The following DGKH variants were observed in gnomAD, a reference collection of about 807,000 sequenced individuals.
DGKH encodes diacylglycerol kinase eta, also known as DAG kinase eta.
DGKH carries 90 observed loss-of-function variants against 159.3 expected under a neutral mutation model. The ratio of observed to expected loss-of-function variants is 0.57; its 90% CI spans 0.48 to 0.67. The LOEUF is 0.67. Ranked by LOEUF, DGKH falls within the 30% of genes least tolerant of loss-of-function variation. The pLI, the probability that DGKH is intolerant of heterozygous loss-of-function variation, is 0.00. For synonymous variants in DGKH, 536 were observed against 553.8 expected (o/e 0.97, Z 0.45); for missense variants, 1,181 against 1,506.1 (o/e 0.78, Z 3.57).
At chr13:42,075,455 G>A (rs1053692025) in intron 1 of DGKH, among the ~76,000 whole-genome samples, 2 of 152,064 alleles carry the variant, frequency 1.3e-5, no homozygotes, top group African/African-American at 2.4e-5. Flanking sequence ...AGGACTTGGC[G>A]CAACTTCCAC....
chr13:42,159,086 T>G (rs1302517707), intron 5 of DGKH, among the ~76,000 whole-genome samples, 180 bp from the exon 6 acceptor site: 2 of 152,116 alleles, frequency 1.3e-5, no homozygotes, highest in Non-Finnish European at 2.9e-5. Context: ...TACATAGCCG[T>G]ATTTGTTTTC....
Position 42,198,583 on chromosome 13 carries a change from A to G in DGKH, c.2273A>G (p.Asp758Gly). Residue 758 changes from aspartate (D) to glycine (G), a missense_variant, in exon 18 of 30, where the codon GAT (aspartate) becomes GGT (glycine). Asp to Gly is a moderately conservative substitution (Grantham distance 94). Around this residue, in one of 5 missense-constraint regions of DGKH, gnomAD observed 335 missense variants for 495.2 expected, o/e 0.68. Transcript: ENST00000337343. ...PFGATPFIDP[D>G]LDSVDGYSEK... ...GGTGCCACGCCGTTTATTGACCCGG[A>G]TCTAGATTCCGTGTAAGAAAATGCT... 1 of 1,609,610 alleles carries G rather than the reference A, an allele frequency of 6.2e-7. No homozygotes were observed. The highest frequency in any genetic ancestry group is 8.5e-7 in the Non-Finnish European group (1 of 1,178,728).
intron 8 of DGKH, 89 bp downstream of exon 8, chr13:42,165,522 T>G (rs1251529282): frequency 3.0e-6 from 2 of 661,132 alleles, no homozygotes; most frequent in Non-Finnish European, 4.7e-6. Flanking sequence ...ACTATGATGG[T>G]AATTGACTAT....
At chr13:42,201,120 G>C (rs1957337776) in intron 20 of DGKH, among the ~76,000 whole-genome samples, 2 of 151,998 alleles carry the variant, frequency 1.3e-5, no homozygotes, top group African/African-American at 4.8e-5. Flanking sequence ...AGCCTTCCAA[G>C]TAGCTGGAAC....
chr13:42,163,209 T>C (rs1052620210), intron 7 of DGKH, among the ~76,000 whole-genome samples: 13 of 151,890 alleles, frequency 8.6e-5, no homozygotes, highest in African/African-American at 3.1e-4. Context: ...TTTTTATGGC[T>C]GCATAGTATT....
intron 3 of DGKH, among the ~76,000 whole-genome samples, chr13:42,146,344 G>A (rs1955731993): frequency 6.6e-6 from 1 of 152,126 alleles, no homozygotes; most frequent in South Asian, 2.1e-4. Context: ...CACTTTATAG[G>A]ACAGAGTGTA....
At chr13:42,047,016 A>G (rs1880835986), upstream of DGKH, among the ~76,000 whole-genome samples, 2 of 152,358 alleles carry the variant, frequency 1.3e-5, no homozygotes, top group African/African-American at 4.8e-5. Context: ...TCTTTTAAGA[A>G]TTTCCAGAAA....
chr13:42,178,940 A>G (rs1594153371), intron 13 of DGKH, among the ~76,000 whole-genome samples: 3 of 152,330 alleles, frequency 2.0e-5, no homozygotes, highest in African/African-American at 7.2e-5. Context: ...GGGAAGAAAG[A>G]AAGAAAAGGA....
chr13:42,218,036 AATCATC>A (rs374568018), intron 26 of DGKH, among the ~76,000 whole-genome samples: 5 of 151,838 alleles, frequency 3.3e-5, no homozygotes, highest in African/African-American at 9.7e-5. Flanking sequence ...CTCTGTCTCA[AATCATC>A]ATCATCATCA....
intron 1 of DGKH, among the ~76,000 whole-genome samples, chr13:42,092,523 CAT>C (rs1272699600): frequency 1.3e-5 from 2 of 152,168 alleles, no homozygotes; most frequent in East Asian, 1.9e-4. Context: ...TGTTTTCACT[CAT>C]GTGAGAGCTT....
At chr13:42,074,678 CCATCCATCCATG>C (rs1319027755) in intron 1 of DGKH, among the ~76,000 whole-genome samples, 1 of 151,480 alleles carries the variant, frequency 6.6e-6, no homozygotes, top group African/African-American at 2.4e-5. Context: ...ATCCATCCAT[CCATCCATCCATG>C]CATCCACTCA....
At chr13:42,043,119 G>A (rs1880610423) in intron 1 of DGKH, among the ~76,000 whole-genome samples, 1 of 152,118 alleles carries the variant, frequency 6.6e-6, no homozygotes, top group Non-Finnish European at 1.5e-5. Flanking sequence ...TCTGATCAAA[G>A]CTATGGACCC....
At chr13:42,253,993 C>CG (rs767381805) in intron 30 of DGKH, among the ~76,000 whole-genome samples, 8 of 105,048 alleles carry the variant, frequency 7.6e-5, no homozygotes, top group African/African-American at 2.6e-4. Flanking sequence ...AGTGGGTTAC[C>CG]AAAAAAAAAA....
At chr13:42,112,624 G>A (rs1166286827) in intron 1 of DGKH, among the ~76,000 whole-genome samples, 1 of 152,224 alleles carries the variant, frequency 6.6e-6, no homozygotes, top group East Asian at 1.9e-4. Context: ...ACTACTCCTG[G>A]TGGCAGTTTA....
At chr13:42,040,740 C>T (rs1566069823) in intron 1 of DGKH, among the ~76,000 whole-genome samples, 1 of 148,814 alleles carries the variant, frequency 6.7e-6, no homozygotes, top group Non-Finnish European at 1.5e-5. Flanking sequence ...CGGTGGCTGG[C>T]CCCGGGCGGG....
chr13:42,121,892 A>G (rs996584206), intron 1 of DGKH, among the ~76,000 whole-genome samples: 1 of 152,198 alleles, frequency 6.6e-6, no homozygotes, highest in African/African-American at 2.4e-5. Flanking sequence ...TGAAGAGTAC[A>G]CCTCACCTCC....
chr13:42,196,718 C>A (rs1056382062), intron 17 of DGKH, among the ~76,000 whole-genome samples: 1 of 152,048 alleles, frequency 6.6e-6, no homozygotes, highest in Admixed American at 6.5e-5. Flanking sequence ...GGTTGCACAA[C>A]TTTGTGTATA....
At chr13:42,129,436 C>T in intron 2 of DGKH, 116 bp from the exon 3 acceptor site, 1 of 781,398 alleles carries the variant, frequency 1.3e-6, no homozygotes, top group Non-Finnish European at 2.0e-6. Flanking sequence ...AAAGTACCAC[C>T]AACTTAACTT....
chr13:42,218,370 C>G lies in DGKH; in HGVS notation c.3214-860C>G, dbSNP rs528052812. Among the ~76,000 whole-genome samples, 9 of 152,194 alleles carry G rather than the reference C, an allele frequency of 5.9e-5. No homozygotes were observed. The South Asian group carries it at 1.9e-3, about 32-fold the overall frequency. On this transcript the variant is annotated intron_variant, in intron 26 of 29. Coordinates refer to ENST00000337343, the MANE Select transcript of DGKH (RefSeq NM_178009.5). ...TAATTTTTACAACAGTTTTTCATCACAGATTTTTCTAAGATTCATGATTTT... is the reference window on the plus strand; with the variant it reads ...TAATTTTTACAACAGTTTTTCATCAGAGATTTTTCTAAGATTCATGATTTT...
Sources: gnomAD v4.1 joint callset for allele counts (sites outside exome capture counted in the v4.1 genomes callset) on GRCh38, gnomAD v4.1.1 for gene constraint, gnomAD v4.1.1 regional missense constraint, MANE v1.5 for transcripts, NCBI Gene and HGNC (gene_info 2026-07-23, HGNC 2026-07-21) for gene names.